The following ARSG variants were observed in gnomAD, a reference collection of about 807,000 sequenced individuals.
ARSG encodes arylsulfatase G.
ARSG carries 37 observed loss-of-function variants against 50.5 expected under a neutral mutation model. The observed-to-expected ratio is 0.73, with a 90% CI of 0.56 to 0.96. The LOEUF is 0.96. ARSG is among the 50% of genes least tolerant of loss of function. ARSG has a pLI of 0.00. For missense variants in ARSG, 629 were observed against 675.3 expected, an observed-to-expected ratio of 0.93 and a Z score of 0.76; for synonymous variants, 225 against 254.6, an observed-to-expected ratio of 0.88 and a Z score of 1.11.
At position 68,401,402 on chromosome 17, in the gene ARSG, G is replaced by C; in HGVS notation, c.1255G>C (p.Ala419Pro). 1 of 1,614,068 alleles carries C rather than the reference G, an allele frequency of 6.2e-7. No homozygotes were observed. The highest frequency in any genetic ancestry group is 8.5e-7 in the Non-Finnish European group (1 of 1,179,926). Residue 419 changes from alanine to proline, a missense_variant, in exon 11 of 12, where the codon GCC (alanine) becomes CCC (proline). Ala to Pro is a conservative substitution (Grantham distance 27). Coordinates refer to ENST00000621439, the MANE Select transcript of ARSG (RefSeq NM_001267727.2). ...CAGCGGGGCAGCTGGAGAGTTTGGA[G>C]CCCTGCAGACTGTCCGCCTGGAGCG... ...PNSGAAGEFGALQTVRLERYK... is the reference protein window; with the variant it reads ...PNSGAAGEFGPLQTVRLERYK...
chr17:68,371,316 C>CAAAAA (rs35873473), intron 8 of ARSG, among the ~76,000 whole-genome samples: 2 of 86,080 alleles, frequency 2.3e-5, no homozygotes, highest in African/African-American at 4.6e-5. Context: ...GACTCCGTCT[C>CAAAAA]AAAAAAAAAA....
At chr17:68,305,235 A>G (rs2076564208) in intron 1 of ARSG, among the ~76,000 whole-genome samples, 1 of 152,236 alleles carries the variant, frequency 6.6e-6, no homozygotes, top group Non-Finnish European at 1.5e-5. Flanking sequence ...TGCAACCTGC[A>G]GCTTAAAGTA....
chr17:68,385,270 G>T (rs920130049), intron 9 of ARSG, 98 bp downstream of exon 9: 2 of 1,042,328 alleles, frequency 1.9e-6, no homozygotes, highest in Non-Finnish European at 2.9e-6. Context: ...CTAGATGGAG[G>T]CATGGGTGGC....
At chr17:68,446,333 ACCATGCCT>A in the ARSG span, among the ~76,000 whole-genome samples, 1 of 152,074 alleles carries the variant, frequency 6.6e-6, no homozygotes, top group South Asian at 2.1e-4. Context: ...GGTGTGCGCC[ACCATGCCT>A]GGCTAATTTT....
intron 11 of ARSG, among the ~76,000 whole-genome samples, chr17:68,408,370 T>C (rs2081839692): frequency 6.7e-6 from 1 of 149,260 alleles, no homozygotes; most frequent in South Asian, 2.1e-4. Flanking sequence ...TGAGAAGATG[T>C]GGTGTTTGGT....
chr17:68,412,142 T>C (rs541584357), intron 11 of ARSG, among the ~76,000 whole-genome samples: 1 of 152,262 alleles, frequency 6.6e-6, no homozygotes, highest in South Asian at 2.1e-4. Flanking sequence ...TATTGTTACA[T>C]GTGAATTTGA....
At chr17:68,391,817 C>T (rs1186069940) in intron 9 of ARSG, among the ~76,000 whole-genome samples, 1 of 152,138 alleles carries the variant, frequency 6.6e-6, no homozygotes, top group Non-Finnish European at 1.5e-5. Context: ...GAGTGGGGTG[C>T]CAGGTCCTGG....
At position 68,345,003 on chromosome 17, in the gene ARSG, A is replaced by T. The variant is rs527695607; in HGVS notation, c.406+1212A>T. Among the ~76,000 whole-genome samples, 35 of 152,334 alleles carry T rather than the reference A, an allele frequency of 2.3e-4. No individual in the cohort carries two copies. In the South Asian group the frequency reaches 6.2e-3, roughly 27 times the overall value. On this transcript the variant is annotated intron_variant, in intron 3 of 11. Transcript: ENST00000621439. ...CGGCATTCTTTGTCCCAGAAGGGGT[A>T]AGTCCCAGGCTGTAGGAGAGACCAA...
intron 6 of ARSG, among the ~76,000 whole-genome samples, chr17:68,363,608 C>T (rs1004016803): frequency 1.3e-5 from 2 of 152,094 alleles, no homozygotes; most frequent in African/African-American, 2.4e-5. Flanking sequence ...GCTGGGATTA[C>T]AGGCATGCAC....
At chr17:68,435,179 C>T in the ARSG span, among the ~76,000 whole-genome samples, 1 of 150,418 alleles carries the variant, frequency 6.6e-6, no homozygotes, top group Admixed American at 6.7e-5. Context: ...TGCACTCCAG[C>T]CTGGGCGACA....
chr17:68,436,993 C>CAAA, the ARSG span, among the ~76,000 whole-genome samples: 1 of 124,770 alleles, frequency 8.0e-6, no homozygotes, highest in African/African-American at 2.8e-5. Context: ...GACCCCGTCT[C>CAAA]AAAAAAAAAA....
chr17:68,366,338 T>C (rs2079547077), intron 6 of ARSG, among the ~76,000 whole-genome samples: 1 of 152,112 alleles, frequency 6.6e-6, no homozygotes. Flanking sequence ...ATACTTGAAA[T>C]TTGAGCCAGA....
intron 2 of ARSG, among the ~76,000 whole-genome samples, chr17:68,340,171 G>T (rs1220967541): frequency 6.6e-6 from 1 of 152,172 alleles, no homozygotes; most frequent in African/African-American, 2.4e-5. Context: ...TTTTTAGGGT[G>T]TGGAGTTGGC....
intron 2 of ARSG, among the ~76,000 whole-genome samples, chr17:68,310,463 G>A (rs910515537): frequency 6.6e-6 from 1 of 152,220 alleles, no homozygotes; most frequent in Admixed American, 6.5e-5. Context: ...CATCTGATGA[G>A]TTGAAGTGTT....
upstream of ARSG, chr17:68,291,291 A>T (rs1202578383): frequency 9.6e-6 from 1 of 104,288 alleles, no homozygotes; most frequent in Admixed American, 9.3e-5. Flanking sequence ...CACCCGAGCC[A>T]CACCCTCCCC....
intron 4 of ARSG, among the ~76,000 whole-genome samples, chr17:68,350,368 G>C (rs1599831749): frequency 2.0e-5 from 3 of 152,334 alleles, no homozygotes; most frequent in Admixed American, 2.0e-4. Context: ...TGTGAGATTC[G>C]AGTTCTATCT....
intron 1 of ARSG, among the ~76,000 whole-genome samples, chr17:68,292,794 A>T (rs1279729478): frequency 6.6e-6 from 1 of 152,064 alleles, no homozygotes; most frequent in South Asian, 2.1e-4. Context: ...GTAAGTGGGG[A>T]GAAGATTCGT....
At chr17:68,420,117 C>A (rs749469180) in intron 11 of ARSG, 72 bp from the exon 12 acceptor site, 9 of 1,529,658 alleles carry the variant, frequency 5.9e-6, no homozygotes, top group South Asian at 1.2e-5. Context: ...TAGAATCACT[C>A]GCAGCTCTCG....
chr17:68,300,184 G>A (rs1259652707), intron 1 of ARSG, among the ~76,000 whole-genome samples: 4 of 152,146 alleles, frequency 2.6e-5, no homozygotes, highest in African/African-American at 9.7e-5. Flanking sequence ...GGCCGCAGGT[G>A]ATCCTCCTGC....
Sources: gnomAD v4.1 joint callset for allele counts (sites outside exome capture counted in the v4.1 genomes callset) on GRCh38, gnomAD v4.1.1 for gene constraint, MANE v1.5 for transcripts, NCBI Gene and HGNC (gene_info 2026-07-23, HGNC 2026-07-21) for gene names.